Variants in ALK observed in about 807,000 individuals in gnomAD.
The protein encoded by ALK is ALK receptor tyrosine kinase.
Under a neutral mutation model 163.1 loss-of-function variants are expected in ALK, and 74 were observed. The observed-to-expected ratio is 0.45, with a 90% confidence interval of 0.38 to 0.55. The LOEUF is 0.55. ALK is among the 20% of genes least tolerant of loss of function. The pLI is 0.00. For synonymous variants in ALK, 960 were observed against 843.2 expected (o/e 1.14, Z -2.40); for missense variants, 2,063 against 2,105.3 (o/e 0.98, Z 0.39).
At chr2:29,616,324 AAG>A (rs1249833295) in intron 3 of ALK, among the ~76,000 whole-genome samples, 2 of 152,210 alleles carry the variant, frequency 1.3e-5, no homozygotes, top group African/African-American at 4.8e-5. Context: ...GCAGTGAATA[AAG>A]AGAGGGGAGG....
intron 1 of ALK, among the ~76,000 whole-genome samples, chr2:29,747,934 C>A (rs1005224448): frequency 6.6e-6 from 1 of 152,184 alleles, no homozygotes; most frequent in Admixed American, 6.5e-5. Context: ...AGTGGGCAGA[C>A]CTTTCTGGAA....
At chr2:29,662,637 T>G (rs1364802980) in intron 3 of ALK, among the ~76,000 whole-genome samples, 1 of 152,176 alleles carries the variant, frequency 6.6e-6, no homozygotes, top group African/African-American at 2.4e-5. Context: ...GCTCCTGCAG[T>G]TACAACAACC....
chr2:29,296,993 T>C lies in ALK; in HGVS notation c.1712A>G (p.Asn571Ser), dbSNP rs1666205342. ...CCTGCCTTGCTCCTTCCCGGTTTTGTTCTCCACTAGCACCAAGGACACGTT... is the reference window on the plus strand; with the variant it reads ...CCTGCCTTGCTCCTTCCCGGTTTTGCTCTCCACTAGCACCAAGGACACGTT... ...RGNVSLVLVENKTGKEQGRMV... is the reference protein window; with the variant it reads ...RGNVSLVLVESKTGKEQGRMV... Residue 571 changes from asparagine (N) to serine (S), a missense_variant, in exon 9 of 29, where the codon AAC (asparagine) becomes AGC (serine). Physicochemically the swap from Asn to Ser is conservative, Grantham distance 46. This residue lies in a region of ALK where 987 missense variants were observed against 939.5 expected (regional missense o/e 1.05). Transcript: ENST00000389048. The C allele has an allele frequency of 6.2e-7, 1 of 1,614,228 alleles. No homozygotes were observed. The highest frequency in any genetic ancestry group is 8.5e-7 in the Non-Finnish European group (1 of 1,180,038).
At chr2:29,221,855 G>T (rs971801214) in intron 22 of ALK, among the ~76,000 whole-genome samples, 2 of 152,172 alleles carry the variant, frequency 1.3e-5, no homozygotes, top group Non-Finnish European at 1.5e-5. Flanking sequence ...GGAGCCATAG[G>T]CACTGAGACT....
intron 5 of ALK, among the ~76,000 whole-genome samples, chr2:29,378,737 A>G (rs1668819582): frequency 7.7e-6 from 1 of 130,522 alleles, no homozygotes; most frequent in Non-Finnish European, 1.6e-5. Context: ...TTTCTTTTTG[A>G]CAGAGTCTTG....
chr2:29,651,134 A>G (rs1293636123), intron 3 of ALK, among the ~76,000 whole-genome samples: 1 of 152,120 alleles, frequency 6.6e-6, no homozygotes, highest in East Asian at 1.9e-4. Context: ...CCCTGTTCTC[A>G]GTTAAGAGCT....
At chr2:29,901,693 C>T (rs936977381) in intron 1 of ALK, among the ~76,000 whole-genome samples, 1 of 152,188 alleles carries the variant, frequency 6.6e-6, no homozygotes, top group African/African-American at 2.4e-5. Context: ...AACATTTCCT[C>T]CTATAAATAT....
At chr2:29,648,294 C>T (rs1676942503) in intron 3 of ALK, among the ~76,000 whole-genome samples, 1 of 152,142 alleles carries the variant, frequency 6.6e-6, no homozygotes, top group Non-Finnish European at 1.5e-5. Flanking sequence ...CCTCCTAATT[C>T]TCCCTTCCTA....
At chr2:29,583,324 A>T (rs1166746643) in intron 3 of ALK, among the ~76,000 whole-genome samples, 1 of 152,082 alleles carries the variant, frequency 6.6e-6, no homozygotes, top group Non-Finnish European at 1.5e-5. Flanking sequence ...CTGTTTGACA[A>T]TCCTTTCATC....
At chr2:29,818,444 A>G (rs1664955742) in intron 1 of ALK, among the ~76,000 whole-genome samples, 1 of 152,238 alleles carries the variant, frequency 6.6e-6, no homozygotes, top group East Asian at 1.9e-4. Context: ...GTTATGCAAA[A>G]TGAGACGTTA....
chr2:29,601,764 C>T (rs1210312533), intron 3 of ALK, among the ~76,000 whole-genome samples: 1 of 152,136 alleles, frequency 6.6e-6, no homozygotes, highest in Non-Finnish European at 1.5e-5. Flanking sequence ...TCAGAAACAG[C>T]ACCTGGGCAG....
chr2:29,435,355 C>G lies in ALK; in HGVS notation c.1155-51496G>C, dbSNP rs78451549. Among the ~76,000 whole-genome samples the G allele has an allele frequency of 8.2e-3, 1,254 of 152,234 alleles. 33 individuals carry two copies. In the South Asian group the frequency reaches 0.086, roughly 10 times the overall value. ...TCAGCACCATCCAGGTTGTTCTCTG[C>G]TGAGTCTACCTCAAGAGTAATGCCT... On this transcript the variant is annotated intron_variant, in intron 4 of 28. Coordinates refer to ENST00000389048, the MANE Select transcript of ALK (RefSeq NM_004304.5).
At chr2:29,451,297 CACTG>C (rs1670814547) in intron 4 of ALK, among the ~76,000 whole-genome samples, 1 of 152,172 alleles carries the variant, frequency 6.6e-6, no homozygotes, top group South Asian at 2.1e-4. Flanking sequence ...ATATGCTGCA[CACTG>C]ACCAATCTTT....
intron 4 of ALK, among the ~76,000 whole-genome samples, chr2:29,404,243 G>A (rs2148317363): frequency 6.7e-6 from 1 of 149,830 alleles, no homozygotes; most frequent in Admixed American, 6.7e-5. Flanking sequence ...GGCGGAGGTT[G>A]CAGTGAGCCC....
At chr2:29,695,416 A>G (rs1678525325) in intron 2 of ALK, among the ~76,000 whole-genome samples, 1 of 152,184 alleles carries the variant, frequency 6.6e-6, no homozygotes, top group African/African-American at 2.4e-5. Context: ...GACTCCAAGC[A>G]AGAAAACTCA....
intron 3 of ALK, among the ~76,000 whole-genome samples, chr2:29,658,811 C>T (rs1224480033): frequency 6.6e-6 from 1 of 152,104 alleles, no homozygotes; most frequent in East Asian, 1.9e-4. Context: ...ATTACATACT[C>T]ACCCCTAGAA....
chr2:29,765,088 T>C (rs1007368603), intron 1 of ALK, among the ~76,000 whole-genome samples: 7 of 152,188 alleles, frequency 4.6e-5, no homozygotes, highest in Non-Finnish European at 7.3e-5. Context: ...ATAAGTTTCC[T>C]GAGGCCTCCC....
At chr2:29,784,037 C>T (rs1663924463) in intron 1 of ALK, among the ~76,000 whole-genome samples, 1 of 151,700 alleles carries the variant, frequency 6.6e-6, no homozygotes, top group Non-Finnish European at 1.5e-5. Flanking sequence ...AACAGGAATG[C>T]CATGATATTA....
intron 3 of ALK, among the ~76,000 whole-genome samples, chr2:29,579,808 C>G (rs1674628534): frequency 6.6e-6 from 1 of 152,210 alleles, no homozygotes; most frequent in Admixed American, 6.5e-5. Flanking sequence ...CACCGATATA[C>G]AGCTCCCAAA....
Sources: gnomAD v4.1 joint callset for allele counts (sites outside exome capture counted in the v4.1 genomes callset) on GRCh38, gnomAD v4.1.1 for gene constraint, gnomAD v4.1.1 regional missense constraint, MANE v1.5 for transcripts, NCBI Gene and HGNC (gene_info 2026-07-23, HGNC 2026-07-21) for gene names.